Variants in BAZ2B observed in about 807,000 individuals in gnomAD.
The protein encoded by BAZ2B is bromodomain adjacent to zinc finger domain 2B.
A neutral mutation model predicts 246.0 loss-of-function variants in BAZ2B; 91 were observed. The ratio of observed to expected loss-of-function variants is 0.37; its 90% CI spans 0.31 to 0.44. BAZ2B has a LOEUF of 0.44. Ranked by LOEUF, BAZ2B falls within the 20% of genes least tolerant of loss-of-function variation. The pLI is 1.00. For synonymous variants in BAZ2B, 855 were observed against 860.0 expected (o/e 0.99, Z 0.10); for missense variants, 2,332 against 2,533.7 (o/e 0.92, Z 1.71).
chr2:159,495,837 G>A (rs906918799), intron 2 of BAZ2B, among the ~76,000 whole-genome samples: 7 of 150,048 alleles, frequency 4.7e-5, no homozygotes, highest in African/African-American at 7.3e-5. Flanking sequence ...TGGGTCATTC[G>A]GCTCACTGGA....
chr2:159,663,328 A>G, the BAZ2B span, among the ~76,000 whole-genome samples: 1 of 151,486 alleles, frequency 6.6e-6, no homozygotes, highest in Non-Finnish European at 1.5e-5. Context: ...CAGCCTCCCA[A>G]GTAGCTGGGA....
intron 20 of BAZ2B, among the ~76,000 whole-genome samples, chr2:159,394,056 G>A (rs1374900628): frequency 1.3e-5 from 2 of 151,706 alleles, no homozygotes; most frequent in African/African-American, 4.8e-5. Flanking sequence ...AACGTTCTGG[G>A]TTATTTTAGT....
intron 2 of BAZ2B, among the ~76,000 whole-genome samples, chr2:159,502,508 C>G (rs1008587332): frequency 7.9e-5 from 12 of 151,280 alleles, no homozygotes; most frequent in Admixed American, 1.3e-4. Context: ...GTGGCACGTG[C>G]TTGTGGTCCC....
chr2:159,430,940 G>A lies in BAZ2B; in HGVS notation c.2117C>T (p.Ala706Val). Residue 706 changes from alanine (A) to valine (V), a missense_variant, in exon 10 of 37, where the codon GCT becomes GTT. Around this residue, in one of 9 missense-constraint regions of BAZ2B, gnomAD observed 651 missense variants for 650.9 expected, o/e 1.00. Transcript: ENST00000392783. ...HIAKAPGSAP[A>V]ALCSESQSPA... ...TGACTGGGATTCAGAACATAAGGCA[G>A]CAGGAGCAGAGCCTGGGGCTTTTGC... is the stretch of plus-strand genomic sequence containing the variant. 5 of 1,614,012 alleles carry A rather than the reference G, an allele frequency of 3.1e-6. No homozygotes were observed. The highest frequency in any genetic ancestry group is 4.2e-6 in the Non-Finnish European group (5 of 1,179,908).
chr2:159,480,691 G>A (rs2150948866), intron 2 of BAZ2B, among the ~76,000 whole-genome samples: 1 of 151,930 alleles, frequency 6.6e-6, no homozygotes, highest in Non-Finnish European at 1.5e-5. Context: ...GGCAATGAGA[G>A]TAGAACTAGA....
intron 1 of BAZ2B, among the ~76,000 whole-genome samples, chr2:159,582,221 T>G (rs1398879998): frequency 1.3e-5 from 2 of 152,244 alleles, no homozygotes; most frequent in East Asian, 1.9e-4. Context: ...TATATTCATG[T>G]GCATATTAAA....
intron 3 of BAZ2B, chr2:159,460,323 C>T (rs1269186134): frequency 2.0e-5 from 3 of 152,030 alleles, no homozygotes; most frequent in South Asian, 2.1e-4. Context: ...AACAAAATCT[C>T]CCATCACTAA....
chr2:159,433,590 G>A (rs541107865), intron 8 of BAZ2B: 1 of 397,806 alleles, frequency 2.5e-6, no homozygotes, highest in African/African-American at 2.1e-5. Flanking sequence ...AAAATTATAT[G>A]CCTTTTGACT....
chr2:159,380,289 C>T (rs2061849271), intron 25 of BAZ2B, among the ~76,000 whole-genome samples: 1 of 152,156 alleles, frequency 6.6e-6, no homozygotes, highest in African/African-American at 2.4e-5. Flanking sequence ...TTGAAATAGT[C>T]ATCTTCATTT....
At chr2:159,351,172 G>C (rs1329978399) in intron 27 of BAZ2B, among the ~76,000 whole-genome samples, 1 of 152,098 alleles carries the variant, frequency 6.6e-6, no homozygotes, top group Non-Finnish European at 1.5e-5. Flanking sequence ...TAGGAGTTCT[G>C]TATGTGATAC....
intron 1 of BAZ2B, among the ~76,000 whole-genome samples, chr2:159,565,804 AAAG>A (rs1297000950): frequency 2.0e-5 from 3 of 151,834 alleles, no homozygotes; most frequent in African/African-American, 4.8e-5. Context: ...GAAAAAAAAA[AAAG>A]AAGAAGAAAG....
At chr2:159,382,116 T>G (rs1342609002) in intron 25 of BAZ2B, among the ~76,000 whole-genome samples, 1 of 152,214 alleles carries the variant, frequency 6.6e-6, no homozygotes, top group Non-Finnish European at 1.5e-5. Flanking sequence ...AGTGCCTTAT[T>G]CGTCTTTGAT....
chr2:159,413,622 T>G (rs9973670), intron 13 of BAZ2B, among the ~76,000 whole-genome samples: 92,569 of 151,958 alleles, frequency 0.61, 31,388 homozygotes, highest in Non-Finnish European at 0.79. Flanking sequence ...GCAGGAGAAT[T>G]GTTTGAACCA....
At chr2:159,513,307 T>C (rs1446794187) in intron 2 of BAZ2B, among the ~76,000 whole-genome samples, 1 of 152,238 alleles carries the variant, frequency 6.6e-6, no homozygotes, top group Admixed American at 6.5e-5. Flanking sequence ...AGTAAATATG[T>C]AAAGTAGATA....
At chr2:159,425,332 C>G (rs1165378957) in intron 13 of BAZ2B, among the ~76,000 whole-genome samples, 1 of 152,142 alleles carries the variant, frequency 6.6e-6, no homozygotes, top group African/African-American at 2.4e-5. Context: ...AGGTGCCCAC[C>G]ACCATGCCCA....
At chr2:159,340,305 C>T (rs1342403305) in intron 31 of BAZ2B, among the ~76,000 whole-genome samples, 1 of 151,580 alleles carries the variant, frequency 6.6e-6, no homozygotes, top group Admixed American at 6.6e-5. Context: ...ATTAAGCAAA[C>T]AAATATTCCT....
Position 159,405,191 on chromosome 2 carries a change from G to A in BAZ2B, c.2678-77C>T, listed in dbSNP as rs2065712387. ...CCAAAAACAATAACTGTGTGAAAAT[G>A]GTATCATCATAAAGGATATAATTAT... On this transcript the variant is annotated intron_variant, in intron 14 of 36. Coordinates refer to ENST00000392783, the MANE Select transcript of BAZ2B (RefSeq NM_013450.4). The A allele has an allele frequency of 4.0e-6, 5 of 1,246,022 alleles. 1 individual carries two copies. The South Asian group carries it at 5.0e-5, about 12-fold the overall frequency. The allele number at this position is 1,246,022 out of a possible 1,614,324, so 77.2% of individuals were successfully genotyped here.
the BAZ2B span, among the ~76,000 whole-genome samples, chr2:159,633,738 CTT>C: frequency 4.9e-3 from 594 of 120,228 alleles, 6 homozygotes; most frequent in Non-Finnish European, 6.7e-3. Context: ...TCACTTTATT[CTT>C]TTTTTTTTTT....
intron 1 of BAZ2B, among the ~76,000 whole-genome samples, chr2:159,566,541 C>T (rs78447319): frequency 1.3e-5 from 2 of 152,270 alleles, no homozygotes; most frequent in East Asian, 1.9e-4. Context: ...TTTTCAGTAT[C>T]CCTGAATTCT....
Sources: allele counts gnomAD v4.1 joint callset (sites outside exome capture counted in the v4.1 genomes callset), GRCh38; gene constraint gnomAD v4.1.1; regional missense constraint gnomAD v4.1.1; transcripts MANE v1.5; gene names NCBI Gene and HGNC (gene_info 2026-07-23, HGNC 2026-07-21).